KCNMA1: variants seen among roughly 807,000 people sequenced by gnomAD.
KCNMA1 encodes the protein potassium calcium-activated channel subfamily M alpha 1, also known as Calcium-activated potassium channel subunit alpha-1.
In KCNMA1, 29 loss-of-function variants were observed where a neutral mutation model predicts 140.0. That is an observed-to-expected ratio of 0.21 (90% CI 0.15 to 0.28). The LOEUF is 0.28. Ranked by LOEUF, KCNMA1 falls within the 10% of genes least tolerant of loss-of-function variation. The pLI is 1.00. For missense variants in KCNMA1, 880 were observed against 1,602.2 expected (o/e 0.55, Z 7.70); for synonymous variants, 612 against 611.9 (o/e 1.00, Z 0.00).
intron 3 of KCNMA1, among the ~76,000 whole-genome samples, chr10:77,232,073 A>G (rs1352966265): frequency 2.6e-5 from 4 of 152,196 alleles, no homozygotes; most frequent in Non-Finnish European, 4.4e-5. Flanking sequence ...ACTTAGCATA[A>G]TGCTTTCAAG....
rs187585790 is a variant in KCNMA1 at position 77,288,649 on chromosome 10, G to A, written c.541-37393C>T. Among the ~76,000 whole-genome samples, 171 of 152,284 alleles carry A rather than the reference G, an allele frequency of 1.1e-3. 1 individual carries two copies. Among genetic ancestry groups the A allele is most frequent in the African/African-American group, 4.0e-3 (165 of 41,566 alleles). The stretch of plus-strand genomic sequence containing the variant: ...CACCCAGCCAGCCAGGTGCAGAGGT[G>A]AGACTAGGAATCATGTGGTCTGTCT... On this transcript the variant is annotated intron_variant, in intron 2 of 27. Coordinates refer to ENST00000286628, the MANE Select transcript of KCNMA1 (RefSeq NM_001161352.2).
intron 19 of KCNMA1, among the ~76,000 whole-genome samples, chr10:76,994,655 C>T (rs1326614853): frequency 6.6e-6 from 1 of 152,226 alleles, no homozygotes. Flanking sequence ...TGTCTCTCCT[C>T]ACCAATGAGC....
At chr10:77,081,994 CTTTTTTTCTTTTCTTTTTTTTTTTT>C (rs1216499828) in intron 12 of KCNMA1, among the ~76,000 whole-genome samples, 7 of 68,528 alleles carry the variant, frequency 1.0e-4, no homozygotes, top group African/African-American at 1.3e-4. Context: ...CCAGTAATTT[CTTTTTTTCTTTTCTTTTTTTTTTTT>C]TTTTTTTTTT....
chr10:77,331,645 C>T (rs1285984262), intron 2 of KCNMA1, among the ~76,000 whole-genome samples: 1 of 54,658 alleles, frequency 1.8e-5, no homozygotes, highest in East Asian at 3.1e-4. Flanking sequence ...CTCTACAAAA[C>T]CTTTAAAAAA....
chr10:77,245,510 T>C (rs2058358561), intron 3 of KCNMA1, among the ~76,000 whole-genome samples: 1 of 152,166 alleles, frequency 6.6e-6, no homozygotes, highest in Non-Finnish European at 1.5e-5. Context: ...AGCCAGATAC[T>C]TTATGACATT....
At chr10:77,148,402 A>G (rs1224977624) in intron 5 of KCNMA1, 3 of 152,238 alleles carry the variant, frequency 2.0e-5, no homozygotes, top group African/African-American at 4.8e-5. Context: ...GCTCTCTGTA[A>G]GGACAGAAAG....
At chr10:77,072,931 AT>A (rs1281774474) in intron 14 of KCNMA1, among the ~76,000 whole-genome samples, 165 bp downstream of exon 14, 5 of 152,196 alleles carry the variant, frequency 3.3e-5, no homozygotes, top group African/African-American at 1.2e-4. Context: ...TAAAAACATA[AT>A]TTTGAAAGAA....
chr10:77,574,630 T>A (rs1388692114), intron 1 of KCNMA1, among the ~76,000 whole-genome samples: 4 of 152,252 alleles, frequency 2.6e-5, no homozygotes, highest in Non-Finnish European at 4.4e-5. Flanking sequence ...AGGGCATTTA[T>A]CTAATCTCTG....
chr10:77,124,578 T>C (rs1282499247), intron 5 of KCNMA1, among the ~76,000 whole-genome samples: 1 of 152,150 alleles, frequency 6.6e-6, no homozygotes, highest in East Asian at 1.9e-4. Context: ...AATATCTCCT[T>C]GCAAAAGGGA....
At chr10:77,505,647 C>T (rs1567206097) in intron 1 of KCNMA1, among the ~76,000 whole-genome samples, 1 of 152,120 alleles carries the variant, frequency 6.6e-6, no homozygotes, top group Non-Finnish European at 1.5e-5. Context: ...AATGAACTCC[C>T]ACATAAGGCA....
At chr10:77,438,680 A>C (rs1217120480) in intron 1 of KCNMA1, among the ~76,000 whole-genome samples, 2 of 152,236 alleles carry the variant, frequency 1.3e-5, no homozygotes, top group African/African-American at 4.8e-5. Context: ...GACATTAAGT[A>C]ATTTGCCCAA....
intron 1 of KCNMA1, among the ~76,000 whole-genome samples, chr10:77,609,037 G>A (rs746755695): frequency 1.3e-5 from 2 of 152,124 alleles, no homozygotes; most frequent in African/African-American, 4.8e-5. Flanking sequence ...CAGTATGGAG[G>A]TTCCTCAGAA....
At chr10:77,574,721 G>A (rs1195182801) in intron 1 of KCNMA1, among the ~76,000 whole-genome samples, 8 of 152,228 alleles carry the variant, frequency 5.3e-5, no homozygotes. Context: ...TAAAATTGGA[G>A]AAATGACGAC....
chr10:77,239,394 G>A (rs940767727), intron 3 of KCNMA1, among the ~76,000 whole-genome samples: 10 of 152,164 alleles, frequency 6.6e-5, no homozygotes, highest in African/African-American at 1.7e-4. Context: ...TGAGGGTAGC[G>A]GGTGTATGGA....
At position 77,016,467 on chromosome 10, in the gene KCNMA1, G is replaced by C. The variant is rs79984339; in HGVS notation, c.2015+2546C>G. Among the ~76,000 whole-genome samples, 938 of 152,200 alleles carry C rather than the reference G, an allele frequency of 6.2e-3. 16 individuals carry two copies. Among genetic ancestry groups the C allele is most frequent in the African/African-American group, 0.022 (907 of 41,520 alleles). On this transcript the variant is annotated intron_variant, in intron 17 of 27. Coordinates refer to ENST00000286628, the MANE Select transcript of KCNMA1 (RefSeq NM_001161352.2). ...AACGACTTATACACATTTGATGGGC[G>C]AATGAATGAGTGAGTTTGAGACTGC...
intron 1 of KCNMA1, among the ~76,000 whole-genome samples, chr10:77,618,972 G>T (rs1237324063): frequency 6.6e-6 from 1 of 152,174 alleles, no homozygotes; most frequent in Non-Finnish European, 1.5e-5. Context: ...AAATCAAAAG[G>T]TTTAACGAAA....
chr10:77,320,799 A>G (rs1221264026), intron 2 of KCNMA1, among the ~76,000 whole-genome samples: 1 of 152,172 alleles, frequency 6.6e-6, no homozygotes, highest in Non-Finnish European at 1.5e-5. Context: ...TGTTAAAGAA[A>G]CCAACCACAT....
At chr10:77,359,498 A>G (rs1177293109) in intron 2 of KCNMA1, among the ~76,000 whole-genome samples, 1 of 152,192 alleles carries the variant, frequency 6.6e-6, no homozygotes, top group Non-Finnish European at 1.5e-5. Flanking sequence ...TTCTCTGGGA[A>G]TAATCAGAAG....
intron 2 of KCNMA1, among the ~76,000 whole-genome samples, chr10:77,370,430 G>C (rs572414504): frequency 6.6e-6 from 1 of 152,066 alleles, no homozygotes; most frequent in Non-Finnish European, 1.5e-5. Flanking sequence ...CATATGATAA[G>C]AACACATCTT....
Sources: allele counts gnomAD v4.1 joint callset (sites outside exome capture counted in the v4.1 genomes callset), GRCh38; gene constraint gnomAD v4.1.1; transcripts MANE v1.5; gene names NCBI Gene and HGNC (gene_info 2026-07-23, HGNC 2026-07-21).